The following FTO variants were observed in gnomAD, a reference collection of about 807,000 sequenced individuals.
FTO encodes FTO alpha-ketoglutarate dependent dioxygenase.
Under a neutral mutation model 63.9 loss-of-function variants are expected in FTO, and 47 were observed. That is an observed-to-expected ratio of 0.74 (90% CI 0.58 to 0.94). The LOEUF is 0.94. Among genes scored for constraint, FTO ranks in the 40% least tolerant of loss-of-function variants. FTO has a pLI of 0.00. For missense variants in FTO, 562 were observed against 618.1 expected (o/e 0.91, Z 0.96); for synonymous variants, 207 against 224.4 (o/e 0.92, Z 0.69).
intron 8 of FTO, among the ~76,000 whole-genome samples, chr16:53,988,769 A>G (rs916889982): frequency 1.9e-4 from 28 of 147,624 alleles, no homozygotes; most frequent in Non-Finnish European, 1.9e-4. Flanking sequence ...AACCTTGGCC[A>G]TCTGGCAACC....
intron 8 of FTO, among the ~76,000 whole-genome samples, chr16:54,058,122 G>T (rs1235436956): frequency 2.0e-5 from 3 of 151,896 alleles, no homozygotes; most frequent in African/African-American, 7.3e-5. Flanking sequence ...TATTTTTTGA[G>T]GGGGGAGACA....
At chr16:53,856,328 A>G (rs937286454) in intron 4 of FTO, among the ~76,000 whole-genome samples, 2 of 150,326 alleles carry the variant, frequency 1.3e-5, no homozygotes, top group Non-Finnish European at 1.5e-5. Context: ...GGTTCCTTAG[A>G]CTTTGTAATC....
At chr16:53,939,981 A>G (rs1311739344) in intron 8 of FTO, among the ~76,000 whole-genome samples, 1 of 152,034 alleles carries the variant, frequency 6.6e-6, no homozygotes, top group Non-Finnish European at 1.5e-5. Context: ...TTTGAGTGAC[A>G]TATTTTCAGT....
intron 1 of FTO, among the ~76,000 whole-genome samples, chr16:53,774,874 A>G (rs890272123): frequency 1.2e-4 from 19 of 152,296 alleles, no homozygotes; most frequent in African/African-American, 4.3e-4. Context: ...AGGTACCACC[A>G]TTACAACTGG....
At position 53,894,595 on chromosome 16, in the gene FTO, A is replaced by T. The variant is rs999422100; in HGVS notation, c.1239+5644A>T. On this transcript the variant is annotated intron_variant, in intron 7 of 8. Transcript: ENST00000471389. ...AAAGTGATGGAAATATAAATATCGA[A>T]TTTTTTTGTTTGCATTAATGGGAAA... Among the ~76,000 whole-genome samples, 9 of 151,056 alleles carry T rather than the reference A, an allele frequency of 6.0e-5. No individual in the cohort carries two copies. The East Asian group carries it at 9.8e-4, about 16-fold the overall frequency.
chr16:54,005,511 A>C (rs539790963), intron 8 of FTO, among the ~76,000 whole-genome samples: 71 of 151,952 alleles, frequency 4.7e-4, no homozygotes, highest in Non-Finnish European at 8.5e-4. Flanking sequence ...AAATACATGT[A>C]ATACATATTA....
intron 8 of FTO, among the ~76,000 whole-genome samples, chr16:53,974,336 A>G (rs1192810445): frequency 1.3e-5 from 2 of 152,190 alleles, no homozygotes; most frequent in Admixed American, 1.3e-4. Context: ...GCAAGTCACT[A>G]TTACCTTTTT....
intron 4 of FTO, among the ~76,000 whole-genome samples, chr16:53,847,580 CA>C (rs2079663508): frequency 1.3e-5 from 2 of 152,034 alleles, no homozygotes; most frequent in South Asian, 4.2e-4. Context: ...CCAGCCTGGC[CA>C]ACATGGTGGG....
chr16:53,958,882 G>C (rs1291968834), intron 8 of FTO, among the ~76,000 whole-genome samples: 1 of 152,204 alleles, frequency 6.6e-6, no homozygotes, highest in Non-Finnish European at 1.5e-5. Flanking sequence ...AGCTCCAGCA[G>C]CTGATGGGGG....
chr16:53,830,897 A>G (rs776620771), intron 3 of FTO, among the ~76,000 whole-genome samples: 1 of 152,216 alleles, frequency 6.6e-6, no homozygotes, highest in African/African-American at 2.4e-5. Context: ...TTCCGTCTCA[A>G]AACAAACAAA....
At chr16:54,014,049 T>G (rs1392190443) in intron 8 of FTO, among the ~76,000 whole-genome samples, 3 of 152,300 alleles carry the variant, frequency 2.0e-5, no homozygotes, top group Middle Eastern at 3.4e-3. Context: ...TAGTATAATT[T>G]ATATTCTTTC....
intron 8 of FTO, among the ~76,000 whole-genome samples, chr16:53,989,461 G>A (rs1228332669): frequency 6.6e-6 from 1 of 152,152 alleles, no homozygotes; most frequent in Non-Finnish European, 1.5e-5. Flanking sequence ...CAGTAGGATA[G>A]TAGGAATGTT....
At chr16:53,802,505 G>A (rs1019421333) in intron 1 of FTO, among the ~76,000 whole-genome samples, 2 of 152,070 alleles carry the variant, frequency 1.3e-5, no homozygotes, top group African/African-American at 4.8e-5. Context: ...CTGGATTTAA[G>A]TAATTCGATT....
intron 6 of FTO, among the ~76,000 whole-genome samples, chr16:53,883,608 G>T (rs1362025777): frequency 1.6e-5 from 2 of 121,972 alleles, no homozygotes; most frequent in Non-Finnish European, 3.2e-5. Flanking sequence ...GGCAACAAGG[G>T]CGAAACTCTA....
At chr16:53,882,381 A>G (rs2080862435) in intron 6 of FTO, among the ~76,000 whole-genome samples, 1 of 152,130 alleles carries the variant, frequency 6.6e-6, no homozygotes. Flanking sequence ...AGGAAAAAAA[A>G]AAAAAAACAG....
chr16:54,060,705 C>T (rs1242577955), intron 8 of FTO, among the ~76,000 whole-genome samples: 7 of 152,172 alleles, frequency 4.6e-5, no homozygotes, highest in Non-Finnish European at 1.0e-4. Flanking sequence ...ATTTGTATTT[C>T]ACTCCCAGCC....
intron 8 of FTO, among the ~76,000 whole-genome samples, chr16:54,020,571 T>A (rs1347534361): frequency 1.4e-5 from 2 of 146,458 alleles, no homozygotes; most frequent in African/African-American, 5.1e-5. Context: ...GAAAAATGAC[T>A]TGAATCAAAA....
At chr16:53,727,575 T>C (rs1259389807) in intron 1 of FTO, among the ~76,000 whole-genome samples, 1 of 152,224 alleles carries the variant, frequency 6.6e-6, no homozygotes, top group African/African-American at 2.4e-5. Flanking sequence ...CCATTTTTTT[T>C]CTTGTAAATT....
At chr16:53,815,569 G>A (rs949176948) in intron 2 of FTO, among the ~76,000 whole-genome samples, 7 of 148,448 alleles carry the variant, frequency 4.7e-5, no homozygotes, top group African/African-American at 1.0e-4. Flanking sequence ...TTGTTGAGTC[G>A]CCTTTGCTTC....
Sources: allele counts gnomAD v4.1 joint callset (sites outside exome capture counted in the v4.1 genomes callset), GRCh38; gene constraint gnomAD v4.1.1; transcripts MANE v1.5; gene names NCBI Gene and HGNC (gene_info 2026-07-23, HGNC 2026-07-21).